The following SCFD2 variants were observed in gnomAD, a reference collection of about 807,000 sequenced individuals.
SCFD2 encodes the protein sec1 family domain containing 2, also known as sec1 family domain-containing protein 2.
In SCFD2, 54 loss-of-function variants were observed where a neutral mutation model predicts 58.9. The ratio of observed to expected loss-of-function variants is 0.92; its 90% confidence interval spans 0.74 to 1.15. SCFD2 has a LOEUF of 1.15. Among genes scored for constraint, SCFD2 ranks in the 50% most tolerant of loss-of-function variants. SCFD2 has a pLI of 0.00. For missense variants in SCFD2, 805 were observed against 836.6 expected (o/e 0.96, Z 0.47); for synonymous variants, 321 against 335.9 (o/e 0.96, Z 0.49).
intron 4 of SCFD2, among the ~76,000 whole-genome samples, chr4:53,212,941 C>G (rs1304071940): frequency 6.6e-6 from 1 of 151,706 alleles, no homozygotes; most frequent in Non-Finnish European, 1.5e-5. Context: ...GAGAGAAAAG[C>G]CAGCAAACTA....
intron 5 of SCFD2, among the ~76,000 whole-genome samples, chr4:53,091,798 A>AT (rs763140945): frequency 3.7e-4 from 56 of 152,254 alleles, no homozygotes; most frequent in Middle Eastern, 3.4e-3. Flanking sequence ...TTCTACATTC[A>AT]TTTTAGCAAT....
intron 4 of SCFD2, among the ~76,000 whole-genome samples, chr4:53,272,349 G>A (rs1731196726): frequency 1.3e-5 from 2 of 152,094 alleles, no homozygotes; most frequent in South Asian, 4.1e-4. Context: ...TCCCATTACT[G>A]GGTATATACC....
chr4:53,147,605 G>A lies in SCFD2; in HGVS notation c.1312-2023C>T, dbSNP rs117126762. ...ATTTACCAAGTGTAAACACACACAT[G>A]CTTCCAAAGGACCAGGGGGCCGAAA... On this transcript the variant is annotated intron_variant, in intron 4 of 8. Coordinates refer to ENST00000401642, the MANE Select transcript of SCFD2 (RefSeq NM_152540.4). Among the ~76,000 whole-genome samples, 184 of 152,326 alleles carry A rather than the reference G, an allele frequency of 1.2e-3. 2 individuals carry two copies. The East Asian group carries it at 0.027, about 22-fold the overall frequency.
chr4:52,929,050 C>T (rs1719928456), intron 5 of SCFD2, among the ~76,000 whole-genome samples: 1 of 152,174 alleles, frequency 6.6e-6, no homozygotes, highest in South Asian at 2.1e-4. Context: ...TCCAAAAAGG[C>T]TACTTGAGAA....
chr4:53,151,803 CA>C (rs1462964822), intron 4 of SCFD2, among the ~76,000 whole-genome samples: 1 of 152,224 alleles, frequency 6.6e-6, no homozygotes, highest in African/African-American at 2.4e-5. Flanking sequence ...GCAGGTTGTA[CA>C]AGCATGGTAT....
At chr4:53,066,115 A>G (rs1486721198) in intron 5 of SCFD2, among the ~76,000 whole-genome samples, 7 of 152,116 alleles carry the variant, frequency 4.6e-5, no homozygotes. Flanking sequence ...TCACAGATGA[A>G]TGTTCTGACC....
At chr4:53,030,583 C>T (rs1023954645) in intron 5 of SCFD2, among the ~76,000 whole-genome samples, 1 of 152,046 alleles carries the variant, frequency 6.6e-6, no homozygotes, top group African/African-American at 2.4e-5. Context: ...CCACCATGCC[C>T]AACTAATTTT....
chr4:53,339,772 A>C (rs899739971), intron 2 of SCFD2, among the ~76,000 whole-genome samples: 1 of 152,176 alleles, frequency 6.6e-6, no homozygotes, highest in Non-Finnish European at 1.5e-5. Flanking sequence ...TCTGTCTCAA[A>C]AAAGAAAAAA....
intron 4 of SCFD2, among the ~76,000 whole-genome samples, chr4:53,232,689 A>T (rs1341781859): frequency 1.3e-5 from 2 of 152,218 alleles, no homozygotes; most frequent in Admixed American, 6.5e-5. Context: ...AGAAAGAAAG[A>T]GCTGAGGAAA....
chr4:52,904,462 T>C (rs1202875805), intron 7 of SCFD2, among the ~76,000 whole-genome samples: 1 of 152,150 alleles, frequency 6.6e-6, no homozygotes, highest in African/African-American at 2.4e-5. Flanking sequence ...ACAATGAAGA[T>C]GCAATGTGTA....
chr4:53,237,764 C>CG (rs1729695760), intron 4 of SCFD2, among the ~76,000 whole-genome samples: 1 of 90,222 alleles, frequency 1.1e-5, no homozygotes, highest in African/African-American at 4.5e-5. Context: ...GCTGGCCGGG[C>CG]GGGGGGCTGA....
rs181963280 is a variant in SCFD2 at position 53,048,341 on chromosome 4, C to T, written c.1561+96992G>A. ...CCCCAGCCTAGGTGACAGAGCAAGA[C>T]TCTGTCTCAAAATGAATAAATAAGT... On this transcript the variant is annotated intron_variant, in intron 5 of 8. Transcript: ENST00000401642. 1.8e-3 allele frequency among the ~76,000 whole-genome samples: 275 copies of T among 152,218 alleles called. 2 individuals carry two copies. Among genetic ancestry groups the T allele is most frequent in the South Asian group, 2.7e-3 (13 of 4,812 alleles).
Position 53,212,550 on chromosome 4 carries a change from AAG to A in SCFD2, c.1311+61274_1311+61275del, listed in dbSNP as rs968356208. 2.0e-5 allele frequency among the ~76,000 whole-genome samples: 3 copies of A among 146,990 alleles called. 1 individual carries two copies. Among genetic ancestry groups the A allele is most frequent in the African/African-American group, 7.6e-5 (3 of 39,222 alleles). ...CACAATATAGTATTAAGGAGATGGT[AAG>A]AGAGAGAGGAAGAAAGTGAGCACGT... is the stretch of plus-strand genomic sequence containing the variant. On this transcript the variant is annotated intron_variant, in intron 4 of 8. Coordinates refer to ENST00000401642, the MANE Select transcript of SCFD2 (RefSeq NM_152540.4).
chr4:52,960,397 T>C (rs1373203526), intron 5 of SCFD2, among the ~76,000 whole-genome samples: 1 of 150,252 alleles, frequency 6.7e-6, no homozygotes, highest in African/African-American at 2.4e-5. Context: ...AGACAGAGTT[T>C]CGCTCTTGTT....
intron 2 of SCFD2, among the ~76,000 whole-genome samples, chr4:53,321,327 A>T (rs1560445794): frequency 6.6e-6 from 1 of 152,122 alleles, no homozygotes. Flanking sequence ...AACAGGAAAT[A>T]TTCATCACCA....
intron 4 of SCFD2, among the ~76,000 whole-genome samples, chr4:53,233,243 T>A (rs1471653168): frequency 6.6e-6 from 1 of 152,060 alleles, no homozygotes; most frequent in Non-Finnish European, 1.5e-5. Flanking sequence ...CTAGCACCAC[T>A]GGGGTAGTTG....
intron 4 of SCFD2, among the ~76,000 whole-genome samples, chr4:53,198,693 A>G (rs1014129833): frequency 1.4e-5 from 2 of 143,278 alleles, no homozygotes. Context: ...GCATGTGTGT[A>G]TACATGTGTT....
intron 5 of SCFD2, among the ~76,000 whole-genome samples, chr4:53,053,348 C>T (rs17082345): frequency 0.015 from 2,257 of 152,124 alleles, 55 homozygotes; most frequent in African/African-American, 0.052. Context: ...ATTGTATATG[C>T]ACTGGGTCCA....
chr4:52,963,567 A>T (rs1473850518), intron 5 of SCFD2, among the ~76,000 whole-genome samples: 1 of 152,218 alleles, frequency 6.6e-6, no homozygotes, highest in Non-Finnish European at 1.5e-5. Context: ...TCTTAAATTG[A>T]ACTACTTCAA....
Sources: allele counts gnomAD v4.1 joint callset (sites outside exome capture counted in the v4.1 genomes callset), GRCh38; gene constraint gnomAD v4.1.1; transcripts MANE v1.5; gene names NCBI Gene and HGNC (gene_info 2026-07-23, HGNC 2026-07-21).